Variants in TENM3 observed in about 807,000 individuals in gnomAD.
The protein encoded by TENM3 is teneurin transmembrane protein 3, also known as teneurin-3.
In TENM3, 63 loss-of-function variants were observed where a neutral mutation model predicts 255.1. The ratio of observed to expected loss-of-function variants is 0.25; its 90% confidence interval spans 0.20 to 0.30. The LOEUF is 0.30. TENM3 is among the 10% of genes least tolerant of loss of function. The probability of loss-of-function intolerance (pLI) is 1.00; values close to 1 mark genes in which losing one functional copy is unlikely to be tolerated. For synonymous variants in TENM3, 1,306 were observed against 1,322.3 expected, an observed-to-expected ratio of 0.99 and a Z score of 0.27; for missense variants, 2,929 against 3,461.1, an observed-to-expected ratio of 0.85 and a Z score of 3.86.
chr4:182,092,211 C>G, the TENM3 span, among the ~76,000 whole-genome samples: 1 of 152,076 alleles, frequency 6.6e-6, no homozygotes, highest in Non-Finnish European at 1.5e-5. Context: ...CATGGTGGCA[C>G]ACACCTGTAG....
At chr4:182,120,880 G>C in the TENM3 span, among the ~76,000 whole-genome samples, 1 of 152,200 alleles carries the variant, frequency 6.6e-6, no homozygotes, top group Non-Finnish European at 1.5e-5. Flanking sequence ...CAGAGGATCA[G>C]ATCATGCAAG....
At chr4:182,258,530 C>A (rs1212756018) in intron 1 of TENM3, among the ~76,000 whole-genome samples, 1 of 148,770 alleles carries the variant, frequency 6.7e-6, no homozygotes, top group African/African-American at 2.5e-5. Context: ...TTTTCCCTCT[C>A]AAAAAAAAAA....
intron 1 of TENM3, among the ~76,000 whole-genome samples, chr4:182,170,902 A>G (rs1752061914): frequency 6.6e-6 from 1 of 152,146 alleles, no homozygotes; most frequent in Non-Finnish European, 1.5e-5. Flanking sequence ...TTTTCAATTA[A>G]AACTATCTAA....
chr4:181,656,470 G>A, the TENM3 span, among the ~76,000 whole-genome samples: 2 of 152,188 alleles, frequency 1.3e-5, no homozygotes, highest in Non-Finnish European at 2.9e-5. Context: ...GCGATTTGGC[G>A]GTGGAAAATA....
At chr4:182,130,972 A>G in the TENM3 span, among the ~76,000 whole-genome samples, 2 of 152,166 alleles carry the variant, frequency 1.3e-5, no homozygotes, top group Non-Finnish European at 2.9e-5. Flanking sequence ...ATTTAACCCC[A>G]GGATGACATG....
the TENM3 span, among the ~76,000 whole-genome samples, chr4:181,862,546 C>T: frequency 6.6e-6 from 1 of 152,140 alleles, no homozygotes; most frequent in East Asian, 1.9e-4. Flanking sequence ...CAAGCTTTGT[C>T]ACAGAGCCAA....
chr4:182,537,973 TTTA>T (rs1740503090), intron 3 of TENM3, among the ~76,000 whole-genome samples: 1 of 152,228 alleles, frequency 6.6e-6, no homozygotes, highest in East Asian at 1.9e-4. Flanking sequence ...TTTAACTGTT[TTTA>T]TTAAGTGAGG....
At chr4:182,667,962 CATTA>C (rs34308155) in intron 6 of TENM3, among the ~76,000 whole-genome samples, 2,917 of 150,878 alleles carry the variant, frequency 0.019, 87 homozygotes, top group African/African-American at 0.063. Flanking sequence ...TACATAAATA[CATTA>C]ATTAATTAAT....
intron 1 of TENM3, among the ~76,000 whole-genome samples, chr4:182,203,078 G>T (rs563259063): frequency 6.6e-6 from 1 of 152,048 alleles, no homozygotes; most frequent in Non-Finnish European, 1.5e-5. Flanking sequence ...TTAGCCAGGC[G>T]TAGTGGTGGG....
At chr4:181,449,817 A>C in the TENM3 span, among the ~76,000 whole-genome samples, 5 of 152,284 alleles carry the variant, frequency 3.3e-5, no homozygotes, top group African/African-American at 1.2e-4. Context: ...TAAATAAATA[A>C]CAACATATGA....
the TENM3 span, among the ~76,000 whole-genome samples, chr4:181,755,551 G>A: frequency 6.6e-6 from 1 of 152,204 alleles, no homozygotes; most frequent in South Asian, 2.1e-4. Flanking sequence ...TAAACACAAA[G>A]TTGAAGTGAC....
At chr4:181,875,951 A>G in the TENM3 span, among the ~76,000 whole-genome samples, 2 of 152,222 alleles carry the variant, frequency 1.3e-5, no homozygotes, top group African/African-American at 4.8e-5. Flanking sequence ...TGAATTACTT[A>G]AGCAAAACAG....
At chr4:182,200,105 A>C (rs1754092609) in intron 1 of TENM3, among the ~76,000 whole-genome samples, 1 of 152,188 alleles carries the variant, frequency 6.6e-6, no homozygotes, top group Admixed American at 6.5e-5. Context: ...TATATTAAAC[A>C]GACAGTGGTC....
At chr4:181,799,836 A>G in the TENM3 span, among the ~76,000 whole-genome samples, 2 of 152,306 alleles carry the variant, frequency 1.3e-5, no homozygotes, top group East Asian at 3.9e-4. Flanking sequence ...AAGAATCACA[A>G]TACAATGTGC....
chr4:181,910,413 C>G, the TENM3 span, among the ~76,000 whole-genome samples: 1 of 151,626 alleles, frequency 6.6e-6, no homozygotes, highest in South Asian at 2.1e-4. Flanking sequence ...AAAAATACAC[C>G]TGTAGTCCCA....
At chr4:182,038,842 T>A in the TENM3 span, among the ~76,000 whole-genome samples, 1 of 152,148 alleles carries the variant, frequency 6.6e-6, no homozygotes, top group African/African-American at 2.4e-5. Flanking sequence ...CAAGTGATTC[T>A]CCTGCCTCAG....
chr4:182,255,546 G>A (rs191571878), intron 1 of TENM3, among the ~76,000 whole-genome samples: 14 of 152,292 alleles, frequency 9.2e-5, no homozygotes, highest in African/African-American at 3.1e-4. Context: ...TTTCATGCAA[G>A]CATCTTTAGC....
At chr4:181,966,033 C>G in the TENM3 span, among the ~76,000 whole-genome samples, 1 of 152,306 alleles carries the variant, frequency 6.6e-6, no homozygotes, top group African/African-American at 2.4e-5. Flanking sequence ...CTTTTATAAG[C>G]TATCAGCTTT....
At chr4:182,766,115 T>TG (rs1349177845) in intron 22 of TENM3, among the ~76,000 whole-genome samples, 3 of 152,114 alleles carry the variant, frequency 2.0e-5, no homozygotes, top group Non-Finnish European at 4.4e-5. Flanking sequence ...TGCCAGGGTG[T>TG]GGGGTCTGTG....
Sources: gnomAD v4.1 joint callset for allele counts (sites outside exome capture counted in the v4.1 genomes callset) on GRCh38, gnomAD v4.1.1 for gene constraint, MANE v1.5 for transcripts, NCBI Gene and HGNC (gene_info 2026-07-23, HGNC 2026-07-21) for gene names.